Variants in MSRB1 observed in about 807,000 individuals in gnomAD.
MSRB1 encodes the protein methionine sulfoxide reductase B1.
In MSRB1, 13 loss-of-function variants were observed where a neutral mutation model predicts 15.2. The ratio of observed to expected loss-of-function variants is 0.86; its 90% CI spans 0.56 to 1.36. MSRB1 has a LOEUF of 1.36. Ranked by LOEUF, MSRB1 falls within the 40% of genes most tolerant of loss-of-function variation. The pLI is 0.00. For synonymous variants in MSRB1, 68 were observed against 64.5 expected (o/e 1.05, Z -0.26); for missense variants, 174 against 155.9 (o/e 1.12, Z -0.62).
At chr16:1,940,721 C>G in intron 3 of MSRB1, 57 bp downstream of exon 3, 2 of 1,561,012 alleles carry the variant, frequency 1.3e-6, no homozygotes, top group Non-Finnish European at 1.7e-6. Context: ...CACTGGGCCC[C>G]CCAGCCTGGG....
At chr16:1,941,819 C>T (rs747273889) in intron 1 of MSRB1, 8 of 186,514 alleles carry the variant, frequency 4.3e-5, no homozygotes, top group Non-Finnish European at 6.8e-5. Flanking sequence ...ACCACCTGGT[C>T]CCTCTCCTTT....
rs1420939829 is a variant in MSRB1, at chr16:1,938,522, G to A, written c.*590C>T. 6.4e-6 allele frequency: 1 copy of A among 157,056 alleles called. No individual in the cohort carries two copies. Among genetic ancestry groups the A allele is most frequent in the Admixed American group, 6.2e-5 (1 of 16,100 alleles). The allele number at this position is 157,056 out of a possible 1,614,324, so 9.7% of individuals were successfully genotyped here. A position where few individuals can be genotyped will look rare whatever the true frequency, so the allele number is the denominator to read the frequency against. Reference sequence around the variant, plus strand: ...ACAGGGTTTAGGTTTCTCCCCTCGTGGACGAGAGGCCAAGGGTGTGCCCCA... The same window carrying A: ...ACAGGGTTTAGGTTTCTCCCCTCGTAGACGAGAGGCCAAGGGTGTGCCCCA... On this transcript the variant is annotated 3_prime_UTR_variant, in exon 4 of 4. Transcript: ENST00000361871.
chr16:1,938,294 A>T lies in MSRB1; in HGVS notation c.*818T>A, dbSNP rs2083051465. 1 of 152,228 alleles carries T rather than the reference A, an allele frequency of 6.6e-6. No homozygotes were observed. Among genetic ancestry groups the T allele is most frequent in the Non-Finnish European group, 1.5e-5 (1 of 68,054 alleles). The allele number at this position is 152,228 out of a possible 1,614,324, so 9.4% of individuals were successfully genotyped here. Reference sequence around the variant, plus strand: ...TTACTCCAGAAAGTAATTACTTAAGATGGGGGGTGATTTCAGCATCACCCA... The same window carrying T: ...TTACTCCAGAAAGTAATTACTTAAGTTGGGGGGTGATTTCAGCATCACCCA... On this transcript the variant is annotated 3_prime_UTR_variant, in exon 4 of 4. Coordinates refer to ENST00000361871, the MANE Select transcript of MSRB1 (RefSeq NM_016332.4).
rs1256546165 is a variant in MSRB1, at chr16:1,943,088, G to A, written c.55+14C>T. ...CGCCGCGCTGCCCTCCCAGCGAGAG[G>A]CCGCAGGACCAACCAGGTTCAAAGT... On this transcript the variant is annotated intron_variant, in intron 1 of 3. Transcript: ENST00000361871. 1.9e-6 allele frequency: 3 copies of A among 1,554,110 alleles called. No homozygotes were observed. The highest frequency in any genetic ancestry group is 2.4e-5 in the East Asian group (1 of 41,230).
At chr16:1,941,682 T>C (rs1388317878) in intron 1 of MSRB1, 4 of 503,094 alleles carry the variant, frequency 8.0e-6, no homozygotes, top group Admixed American at 3.5e-5. Context: ...TGCTTGGTGA[T>C]GCAGACACTC....
In MSRB1 at chr16:1,939,282, CCTGCGCTTTCACACT is replaced by C. The variant is rs751359657; in HGVS notation, c.320-154_320-140del. On this transcript the variant is annotated intron_variant, in intron 3 of 3. Transcript: ENST00000361871. ...CAAGGCAGAGCTTCAGGTGCCGTTC[CCTGCGCTTTCACACT>C]CTGCCCTGGCCTGCAGGCCACAGGG... 5.2e-4 allele frequency: 509 copies of C among 982,834 alleles called. 1 individual carries two copies. The highest frequency in any genetic ancestry group is 6.8e-4 in the Non-Finnish European group (468 of 684,548). 60.9% of individuals were successfully genotyped at this position (982,834 alleles called of 1,614,324 possible).
At chr16:1,940,226 G>A (rs950320356) in intron 3 of MSRB1, among the ~76,000 whole-genome samples, 1 of 151,308 alleles carries the variant, frequency 6.6e-6, no homozygotes, top group Non-Finnish European at 1.5e-5. Flanking sequence ...AGCTGAGATC[G>A]CGCCACTGCA....
At chr16:1,942,727 C>T (rs895112449) in intron 1 of MSRB1, among the ~76,000 whole-genome samples, 4 of 152,258 alleles carry the variant, frequency 2.6e-5, no homozygotes, top group Admixed American at 2.0e-4. Flanking sequence ...AAGAACCTGG[C>T]CTCTCCGAAG....
At chr16:1,941,561 T>A in intron 1 of MSRB1, 156 bp from the exon 2 acceptor site, 1 of 1,009,788 alleles carries the variant, frequency 9.9e-7, no homozygotes, top group Non-Finnish European at 1.4e-6. Flanking sequence ...GGCGCTGTGC[T>A]GAGCTCACGT....
intron 3 of MSRB1, among the ~76,000 whole-genome samples, chr16:1,939,881 G>A (rs1053384768): frequency 2.7e-5 from 4 of 150,680 alleles, no homozygotes; most frequent in Non-Finnish European, 4.4e-5. Flanking sequence ...TTGAACCTGG[G>A]AAGCAGAGGC....
At chr16:1,941,150 G>A (rs755961323) in intron 2 of MSRB1, 107 bp downstream of exon 2, 8 of 1,559,686 alleles carry the variant, frequency 5.1e-6, no homozygotes, top group East Asian at 2.4e-5. Flanking sequence ...TGGAATAGAC[G>A]CCTCTAAGCC....
chr16:1,940,575 T>C (rs1367686999), intron 3 of MSRB1, among the ~76,000 whole-genome samples: 1 of 152,254 alleles, frequency 6.6e-6, no homozygotes, highest in Non-Finnish European at 1.5e-5. Flanking sequence ...ACAGTCATGA[T>C]CAACCAAGCG....
At chr16:1,943,061 C>G in intron 1 of MSRB1, 41 bp downstream of exon 1, 3 of 1,548,492 alleles carry the variant, frequency 1.9e-6, no homozygotes, top group South Asian at 2.4e-5. Flanking sequence ...ATGCGCGCCC[C>G]CCGCCGCGCT....
At chr16:1,942,279 C>T (rs2083082363) in intron 1 of MSRB1, among the ~76,000 whole-genome samples, 1 of 152,206 alleles carries the variant, frequency 6.6e-6, no homozygotes, top group Non-Finnish European at 1.5e-5. Flanking sequence ...GAGGCTTTGC[C>T]GGGATGGTCC....
intron 3 of MSRB1, 83 bp from the exon 4 acceptor site, chr16:1,939,226 A>G: frequency 1.4e-6 from 2 of 1,457,788 alleles, no homozygotes; most frequent in Non-Finnish European, 1.9e-6. Context: ...GGCGGTGGAA[A>G]GCCAGGGTAG....
At chr16:1,939,809 C>T (rs114842307) in intron 3 of MSRB1, among the ~76,000 whole-genome samples, 3,757 of 151,570 alleles carry the variant, frequency 0.025, 145 homozygotes, top group African/African-American at 0.086. Flanking sequence ...CAAAAATTAG[C>T]CAGGCGCGGT....
At chr16:1,943,040 C>CGCCCCCGCTAATGCGCG in intron 1 of MSRB1, 62 bp downstream of exon 1, 3 of 1,540,268 alleles carry the variant, frequency 1.9e-6, no homozygotes, top group Non-Finnish European at 2.6e-6. Flanking sequence ...ACGACGGCGG[C>CGCCCCCGCTAATGCGCG]GCCCCCGCTA....
intron 1 of MSRB1, chr16:1,941,703 G>C: frequency 2.3e-6 from 1 of 432,552 alleles, no homozygotes; most frequent in Non-Finnish European, 4.2e-6. Context: ...AGCTACAAGT[G>C]TGTGCAGCGT....
At position 1,941,298 on chromosome 16, in the gene MSRB1, C is replaced by T. The variant is rs979569714; in HGVS notation, c.163G>A (p.Val55Met). Residue 55 changes from valine (V) to methionine (M), a missense_variant, in exon 2 of 4, where the codon GTG (valine) becomes ATG (methionine). Coordinates refer to ENST00000361871, the MANE Select transcript of MSRB1 (RefSeq NM_016332.4). ...AFTETIHADS[V>M]AKRPEHNRSE... ...CTATTGTGCTCCGGACGCTTGGCCA[C>T]GCTGTCGGCGTGAATGGTCTCGGTG... 1.5e-5 allele frequency: 24 copies of T among 1,613,650 alleles called. No homozygotes were observed. The highest frequency in any genetic ancestry group is 1.1e-4 in the East Asian group (5 of 44,846).
Sources: gnomAD v4.1 joint callset for allele counts (sites outside exome capture counted in the v4.1 genomes callset) on GRCh38, gnomAD v4.1.1 for gene constraint, MANE v1.5 for transcripts, NCBI Gene and HGNC (gene_info 2026-07-23, HGNC 2026-07-21) for gene names.